SGCD: variants seen among roughly 807,000 people sequenced by gnomAD.
SGCD encodes the protein sarcoglycan delta.
In SGCD, 18 loss-of-function variants were observed where a neutral mutation model predicts 36.6. The ratio of observed to expected loss-of-function variants is 0.49; its 90% CI spans 0.34 to 0.73. The LOEUF (loss-of-function observed/expected upper bound fraction) is 0.73. Among genes scored for constraint, SGCD ranks in the 30% least tolerant of loss-of-function variants. The pLI, the probability that SGCD is intolerant of heterozygous loss-of-function variation, is 0.01. For missense variants in SGCD, 387 were observed against 346.7 expected, an observed-to-expected ratio of 1.12 and a Z score of -0.92; for synonymous variants, 133 against 130.6, an observed-to-expected ratio of 1.02 and a Z score of -0.12.
chr5:156,679,416 C>T (rs1045213988), intron 7 of SGCD, among the ~76,000 whole-genome samples: 4 of 152,134 alleles, frequency 2.6e-5, no homozygotes, highest in Non-Finnish European at 2.9e-5. Context: ...ATGGAAAATT[C>T]TGAGAAATGC....
intron 3 of SGCD, among the ~76,000 whole-genome samples, chr5:156,436,628 C>T (rs1258516000): frequency 6.6e-6 from 1 of 152,194 alleles, no homozygotes; most frequent in African/African-American, 2.4e-5. Context: ...ATGACAGAGA[C>T]TAAATCAGAA....
At chr5:156,224,116 T>C (rs559852072) in intron 3 of SGCD, among the ~76,000 whole-genome samples, 2 of 152,144 alleles carry the variant, frequency 1.3e-5, no homozygotes, top group Non-Finnish European at 2.9e-5. Flanking sequence ...ATATGCCTCA[T>C]TTTGTTTAGT....
chr5:156,125,516 A>G (rs1762149860), intron 3 of SGCD, among the ~76,000 whole-genome samples: 1 of 152,094 alleles, frequency 6.6e-6, no homozygotes. Flanking sequence ...TAGAACCGCT[A>G]GAAAGCTGCT....
chr5:156,021,737 T>C (rs1376834609), intron 1 of SGCD, among the ~76,000 whole-genome samples: 1 of 151,882 alleles, frequency 6.6e-6, no homozygotes, highest in Non-Finnish European at 1.5e-5. Context: ...AGAGGTCTGG[T>C]GTGAGCCGGA....
chr5:156,331,211 T>A (rs1478278869), intron 2 of SGCD, among the ~76,000 whole-genome samples: 1 of 152,198 alleles, frequency 6.6e-6, no homozygotes, highest in Non-Finnish European at 1.5e-5. Flanking sequence ...AAATTCCACA[T>A]TTCCCTTTGT....
At chr5:156,707,151 G>A (rs912891462) in intron 7 of SGCD, among the ~76,000 whole-genome samples, 2 of 152,094 alleles carry the variant, frequency 1.3e-5, no homozygotes, top group Non-Finnish European at 1.5e-5. Context: ...TCTTGGCATA[G>A]CATGTTTTCA....
intron 3 of SGCD, among the ~76,000 whole-genome samples, chr5:156,310,831 C>G (rs1159893081): frequency 2.6e-5 from 4 of 152,124 alleles, no homozygotes; most frequent in Non-Finnish European, 5.9e-5. Context: ...TTTCACTTCC[C>G]TGGTAAGAGA....
chr5:156,536,655 T>A (rs189277906), intron 4 of SGCD, among the ~76,000 whole-genome samples: 157 of 152,272 alleles, frequency 1.0e-3, no homozygotes, highest in Middle Eastern at 6.8e-3. Flanking sequence ...AATCTTTTCT[T>A]CTTCCTCCCA....
intron 6 of SGCD, among the ~76,000 whole-genome samples, chr5:156,629,103 A>G (rs1762537061): frequency 6.6e-6 from 1 of 152,214 alleles, no homozygotes; most frequent in South Asian, 2.1e-4. Flanking sequence ...GAGAGTATCT[A>G]AATGTTGTTA....
intron 3 of SGCD, among the ~76,000 whole-genome samples, chr5:156,414,068 C>T (rs894135961): frequency 2.0e-5 from 3 of 152,178 alleles, no homozygotes; most frequent in South Asian, 2.1e-4. Flanking sequence ...CCCATTTTCT[C>T]GATTAGACTA....
At chr5:156,720,411 A>C (rs1018313917) in intron 7 of SGCD, among the ~76,000 whole-genome samples, 3 of 152,220 alleles carry the variant, frequency 2.0e-5, no homozygotes, top group African/African-American at 7.2e-5. Flanking sequence ...AGCCAAGTAT[A>C]TATTTGGGGA....
chr5:156,514,670 A>T (rs1334623149), intron 4 of SGCD, among the ~76,000 whole-genome samples: 2 of 152,224 alleles, frequency 1.3e-5, no homozygotes, highest in Non-Finnish European at 2.9e-5. Context: ...AGGATTTTAG[A>T]AGTGGCTTAT....
intron 3 of SGCD, among the ~76,000 whole-genome samples, chr5:156,502,037 T>TC (rs1376070088): frequency 1.3e-5 from 2 of 149,792 alleles, no homozygotes; most frequent in Non-Finnish European, 3.0e-5. Context: ...TGATATTCTC[T>TC]CTTTTTTTTT....
intron 2 of SGCD, among the ~76,000 whole-genome samples, chr5:156,339,252 C>T (rs1001915037): frequency 6.6e-6 from 1 of 152,318 alleles, no homozygotes; most frequent in Middle Eastern, 3.4e-3. Context: ...ATATAATCCT[C>T]TTACATTTTG....
intron 1 of SGCD, among the ~76,000 whole-genome samples, chr5:155,918,723 C>T (rs988196957): frequency 5.3e-5 from 8 of 152,094 alleles, no homozygotes; most frequent in African/African-American, 1.9e-4. Flanking sequence ...AATGCATAGC[C>T]CCAATTAGTG....
chr5:156,012,711 C>G (rs1055400564), intron 1 of SGCD, among the ~76,000 whole-genome samples: 3 of 150,216 alleles, frequency 2.0e-5, no homozygotes, highest in African/African-American at 7.4e-5. Context: ...CTCCTGGGTT[C>G]ACGCCATTCT....
At chr5:156,654,507 G>C (rs533273823) in intron 7 of SGCD, among the ~76,000 whole-genome samples, 11 of 152,096 alleles carry the variant, frequency 7.2e-5, no homozygotes, top group East Asian at 3.9e-4. Flanking sequence ...CTTTCCTTTG[G>C]GGGGGTCCAA....
chr5:155,778,388 T>C, the SGCD span, among the ~76,000 whole-genome samples: 3 of 152,220 alleles, frequency 2.0e-5, no homozygotes. Flanking sequence ...AATTTTCCTT[T>C]TCAAAAGACG....
At chr5:156,462,822 A>G (rs1322453483) in intron 3 of SGCD, among the ~76,000 whole-genome samples, 3 of 152,182 alleles carry the variant, frequency 2.0e-5, no homozygotes, top group Admixed American at 2.0e-4. Flanking sequence ...AATGGCTAAA[A>G]CTGCAATTAT....
Sources: gnomAD v4.1 joint callset for allele counts (sites outside exome capture counted in the v4.1 genomes callset) on GRCh38, gnomAD v4.1.1 for gene constraint, MANE v1.5 for transcripts, NCBI Gene and HGNC (gene_info 2026-07-23, HGNC 2026-07-21) for gene names.